ZNF705B: variants seen among roughly 807,000 people sequenced by gnomAD.
ZNF705B encodes the protein zinc finger protein 705B.
In ZNF705B, 1 loss-of-function variant was observed where a neutral mutation model predicts 10.5. The observed-to-expected ratio is 0.10, with a 90% confidence interval of 0.03 to 0.45. ZNF705B has a LOEUF of 0.45. Ranked by LOEUF, ZNF705B falls within the 20% of genes least tolerant of loss-of-function variation. The probability of loss-of-function intolerance (pLI) is 0.97; values close to 1 mark genes in which losing one functional copy is unlikely to be tolerated. For synonymous variants in ZNF705B, 4 were observed against 25.4 expected, an observed-to-expected ratio of 0.16 and a Z score of 2.53; for missense variants, 14 against 84.0, an observed-to-expected ratio of 0.17 and a Z score of 3.26.
chr8:7,944,968 CAA>C (rs61035277), intron 2 of ZNF705B, among the ~76,000 whole-genome samples: 3 of 27,646 alleles, frequency 1.1e-4, no homozygotes, highest in Non-Finnish European at 1.3e-4. Flanking sequence ...GAAACTCTAC[CAA>C]AAAAAAAAAA....
intron 2 of ZNF705B, among the ~76,000 whole-genome samples, chr8:7,930,857 TG>T (rs66480157): frequency 0.33 from 36,845 of 111,698 alleles, 7,775 homozygotes; most frequent in South Asian, 0.5. Flanking sequence ...TTTTTTTTTT[TG>T]TTGTTGTTGT....
chr8:7,937,656 A>T (rs1820052390), intron 2 of ZNF705B, among the ~76,000 whole-genome samples: 1 of 118,880 alleles, frequency 8.4e-6, no homozygotes. Flanking sequence ...CTAGTGAGAC[A>T]GGAATTCAGT....
chr8:7,929,545 G>T (rs1283980907), intron 1 of ZNF705B, among the ~76,000 whole-genome samples: 2 of 123,126 alleles, frequency 1.6e-5, no homozygotes, highest in African/African-American at 2.5e-5. Flanking sequence ...CAAAATTATT[G>T]TGAAGACTTT....
intron 1 of ZNF705B, among the ~76,000 whole-genome samples, chr8:7,928,156 C>A (rs1213658615): frequency 8.9e-6 from 1 of 112,874 alleles, no homozygotes; most frequent in African/African-American, 2.6e-5. Context: ...GTGAAAGGTA[C>A]AAACGAGCTC....
At position 7,931,208 on chromosome 8, in the gene ZNF705B, G is replaced by C. The variant is rs544075299; in HGVS notation, c.-72+772G>C. 3.7e-3 allele frequency among the ~76,000 whole-genome samples: 449 copies of C among 121,082 alleles called. 98 individuals carry two copies. The highest frequency in any genetic ancestry group is 6.5e-3 in the Non-Finnish European group (327 of 50,324). 79.4% of individuals were successfully genotyped at this position (121,082 alleles called of 152,430 possible). ...TAGATAGGCATGCCCTCAAGACCCT[G>C]GGAGGCATGTGTAGCATCAGCAATT... On this transcript the variant is annotated intron_variant, in intron 2 of 6. Coordinates refer to ENST00000400120, the MANE Select transcript of ZNF705B (RefSeq NM_001193630.1).
intron 1 of ZNF705B, among the ~76,000 whole-genome samples, chr8:7,927,275 T>G (rs1482550475): frequency 8.4e-6 from 1 of 119,722 alleles, no homozygotes; most frequent in African/African-American, 2.5e-5. Flanking sequence ...TTGTCCTTAT[T>G]AAGTTTTAAA....
At chr8:7,936,775 C>T (rs1331375375) in intron 2 of ZNF705B, among the ~76,000 whole-genome samples, 2 of 120,208 alleles carry the variant, frequency 1.7e-5, no homozygotes, top group African/African-American at 5.1e-5. Context: ...TACACCCTAC[C>T]TGTGTGACAG....
In ZNF705B at chr8:7,931,339, G is replaced by A. The variant is rs1411437710; in HGVS notation, c.-72+903G>A. On this transcript the variant is annotated intron_variant, in intron 2 of 6. Transcript: ENST00000400120. ...AGTAGTCCTCAGGCTTTCACCTGGT[G>A]CAAATATGTGGGCACTGGTGACAGC... 9.8e-5 allele frequency among the ~76,000 whole-genome samples: 12 copies of A among 121,832 alleles called. 1 individual carries two copies. The highest frequency in any genetic ancestry group is 7.4e-4 in the Admixed American group (8 of 10,836). 79.9% of individuals were successfully genotyped at this position (121,832 alleles called of 152,430 possible).
In ZNF705B at chr8:7,932,108, G is replaced by C. The variant is rs2979536; in HGVS notation, c.-72+1672G>C. ...TCTCTGGGACAATGACCATCACATA[G>C]ACTCCAGGCAGCTCCCTATAGTAGT... On this transcript the variant is annotated intron_variant, in intron 2 of 6. Coordinates refer to ENST00000400120, the MANE Select transcript of ZNF705B (RefSeq NM_001193630.1). Among the ~76,000 whole-genome samples, 832 of 120,572 alleles carry C rather than the reference G, an allele frequency of 6.9e-3. 21 individuals carry two copies. Among genetic ancestry groups the C allele is most frequent in the African/African-American group, 0.02 (789 of 39,522 alleles). 79.1% of individuals were successfully genotyped at this position (120,572 alleles called of 152,430 possible). A position where few individuals can be genotyped will look rare whatever the true frequency, so the allele number is the denominator to read the frequency against.
Position 7,927,638 on chromosome 8 carries a change from T to C in ZNF705B, c.-222+1241T>C, listed in dbSNP as rs1819733324. ...CAGTAGGAGGTTGACACTATAGCCA[T>C]CACCAAATAAACAGGAGACACTGGA... On this transcript the variant is annotated intron_variant, in intron 1 of 6. Transcript: ENST00000400120. Among the ~76,000 whole-genome samples, 4 of 120,642 alleles carry C rather than the reference T, an allele frequency of 3.3e-5. No homozygotes were observed. In the South Asian group the frequency reaches 1.2e-3, roughly 35 times the overall value. 79.1% of individuals were successfully genotyped at this position (120,642 alleles called of 152,430 possible).
chr8:7,945,026 A>G (rs1820217816), intron 2 of ZNF705B, among the ~76,000 whole-genome samples: 1 of 33,958 alleles, frequency 2.9e-5, no homozygotes, highest in East Asian at 2.6e-3. Flanking sequence ...TAAGCTGTGC[A>G]GGCTCTCATC....
intron 2 of ZNF705B, among the ~76,000 whole-genome samples, chr8:7,930,846 G>GTTTTTT (rs5889212): frequency 2.7e-5 from 2 of 72,798 alleles, no homozygotes; most frequent in Non-Finnish European, 7.7e-5. Flanking sequence ...TATTTTTTTT[G>GTTTTTT]TTTTTTTTTT....
At chr8:7,933,004 T>C (rs1819893073) in intron 2 of ZNF705B, among the ~76,000 whole-genome samples, 1 of 117,126 alleles carries the variant, frequency 8.5e-6, no homozygotes, top group Non-Finnish European at 2.0e-5. Flanking sequence ...ACATCCTAAC[T>C]CCTGGGTCCT....
intron 2 of ZNF705B, among the ~76,000 whole-genome samples, chr8:7,941,832 C>T (rs1484701546): frequency 1.4e-5 from 1 of 71,724 alleles, no homozygotes; most frequent in African/African-American, 4.2e-5. Context: ...TTTTTTTTTT[C>T]TTTTTTTAGT....
intron 2 of ZNF705B, among the ~76,000 whole-genome samples, chr8:7,937,135 G>A (rs1321491144): frequency 4.4e-5 from 5 of 114,796 alleles, no homozygotes; most frequent in African/African-American, 1.3e-4. Flanking sequence ...ATAAGCTGAT[G>A]GAAAGGAAGA....
chr8:7,930,848 T>TA (rs1819824688), intron 2 of ZNF705B, among the ~76,000 whole-genome samples: 1 of 100,614 alleles, frequency 9.9e-6, no homozygotes, highest in African/African-American at 2.8e-5. Flanking sequence ...TTTTTTTTGT[T>TA]TTTTTTTTTG....
At chr8:7,936,358 T>G (rs1213654807) in intron 2 of ZNF705B, among the ~76,000 whole-genome samples, 2 of 119,420 alleles carry the variant, frequency 1.7e-5, no homozygotes, top group African/African-American at 5.1e-5. Flanking sequence ...TTTGACCCAG[T>G]AATCTCACTA....
intron 2 of ZNF705B, among the ~76,000 whole-genome samples, chr8:7,937,944 T>C (rs1343196888): frequency 8.9e-6 from 1 of 112,720 alleles, no homozygotes; most frequent in Non-Finnish European, 2.1e-5. Flanking sequence ...AGTTGCTTAT[T>C]CGTCCTTGAA....
intron 2 of ZNF705B, among the ~76,000 whole-genome samples, chr8:7,933,160 G>A (rs1463532240): frequency 0.03 from 3,020 of 99,278 alleles, 110 homozygotes; most frequent in African/African-American, 0.08. Flanking sequence ...ATGGAAGAGT[G>A]GGGAGAAGAT....
Sources: gnomAD v4.1 joint callset for allele counts (sites outside exome capture counted in the v4.1 genomes callset) on GRCh38, gnomAD v4.1.1 for gene constraint, MANE v1.5 for transcripts, NCBI Gene and HGNC (gene_info 2026-07-23, HGNC 2026-07-21) for gene names.